LMTK2: variants seen among roughly 807,000 people sequenced by gnomAD.
The protein encoded by LMTK2 is lemur tail kinase 2.
A neutral mutation model predicts 127.5 loss-of-function variants in LMTK2; 37 were observed. That is an observed-to-expected ratio of 0.29 (90% CI 0.22 to 0.38). The LOEUF is 0.38. Ranked by LOEUF, LMTK2 falls within the 10% of genes least tolerant of loss-of-function variation. The pLI, the probability that LMTK2 is intolerant of heterozygous loss-of-function variation, is 1.00. For synonymous variants in LMTK2, 819 were observed against 810.1 expected (o/e 1.01, Z -0.19); for missense variants, 1,694 against 1,920.3 (o/e 0.88, Z 2.20).
At chr7:98,154,965 T>G (rs759130509) in intron 5 of LMTK2, 89 bp downstream of exon 5, 13 of 753,272 alleles carry the variant, frequency 1.7e-5, no homozygotes, top group Non-Finnish European at 3.0e-5. Context: ...TTTCTGCCTG[T>G]AACATACATG....
chr7:98,118,397 A>G (rs920257965), intron 1 of LMTK2, among the ~76,000 whole-genome samples: 1 of 152,182 alleles, frequency 6.6e-6, no homozygotes, highest in African/African-American at 2.4e-5. Context: ...CAGTGTTGGA[A>G]TTGCTGAAAA....
chr7:98,156,668 G>A (rs993275086), intron 5 of LMTK2, among the ~76,000 whole-genome samples: 1 of 152,180 alleles, frequency 6.6e-6, no homozygotes, highest in Non-Finnish European at 1.5e-5. Context: ...TTCTCCAGAG[G>A]AACAGAACCA....
At chr7:98,139,735 G>A (rs796280890) in intron 2 of LMTK2, among the ~76,000 whole-genome samples, 16 of 152,252 alleles carry the variant, frequency 1.1e-4, no homozygotes, top group African/African-American at 3.9e-4. Context: ...CTTCTCACAC[G>A]CATATGGAAA....
intron 6 of LMTK2, among the ~76,000 whole-genome samples, chr7:98,165,861 T>C (rs10259449): frequency 0.19 from 29,165 of 151,676 alleles, 3,313 homozygotes; most frequent in African/African-American, 0.32. Flanking sequence ...GGAACAGGCG[T>C]GAGGAGAGCT....
At position 98,205,990 on chromosome 7, in the gene LMTK2, T is replaced by G. The variant is rs1797791005; in HGVS notation, c.*498T>G. 1 of 156,242 alleles carries G rather than the reference T, an allele frequency of 6.4e-6. No individual in the cohort carries two copies. Among genetic ancestry groups the G allele is most frequent in the Admixed American group, 6.3e-5 (1 of 15,886 alleles). The allele number at this position is 156,242 out of a possible 1,614,324, so 9.7% of individuals were successfully genotyped here. On this transcript the variant is annotated 3_prime_UTR_variant, in exon 14 of 14. Coordinates refer to ENST00000297293, the MANE Select transcript of LMTK2 (RefSeq NM_014916.4). Reference sequence around the variant, plus strand: ...CTGTAATTGCACTGTGGATAAATGTTCCGAGAGTCTCCATTGTTGTACAGG... The same window carrying G: ...CTGTAATTGCACTGTGGATAAATGTGCCGAGAGTCTCCATTGTTGTACAGG...
Position 98,208,139 on chromosome 7 carries a change from AT to A in LMTK2, c.*2649del, listed in dbSNP as rs1797837777. 6.6e-6 allele frequency: 1 copy of A among 152,044 alleles called. No individual in the cohort carries two copies. The highest frequency in any genetic ancestry group is 2.4e-5 in the African/African-American group (1 of 41,400). 9.4% of individuals were successfully genotyped at this position (152,044 alleles called of 1,614,324 possible). A position where few individuals can be genotyped will look rare whatever the true frequency, so the allele number is the denominator to read the frequency against. On this transcript the variant is annotated 3_prime_UTR_variant, in exon 14 of 14. Transcript: ENST00000297293. ...AAAAAACAATTTTTTTCATAACATA[AT>A]TCCCATTTTTATTTATTTTGAGTCA... is the stretch of plus-strand genomic sequence containing the variant.
rs10255164 is a variant in LMTK2, at chr7:98,194,867, T to C, written c.4107+295T>C. ...CACCAAATTTTTACTGTTTTACTTT[T>C]TTATTTTTCTTTTGAGACAGCCTTG... On this transcript the variant is annotated intron_variant, in intron 11 of 13. Coordinates refer to ENST00000297293, the MANE Select transcript of LMTK2 (RefSeq NM_014916.4). This position sits in a 1 kb window ranked among gnomAD's most constrained non-coding sequence, Gnocchi z 5.4. Among the ~76,000 whole-genome samples the C allele has an allele frequency of 0.056, 8,573 of 152,242 alleles. 592 individuals carry two copies. The highest frequency in any genetic ancestry group is 0.33 in the East Asian group (1,710 of 5,164).
At position 98,184,073 on chromosome 7, in the gene LMTK2, C is replaced by T. The variant is rs1797393565; in HGVS notation, c.792-978C>T. ...GTTTTAGAGCAGGAGTGAAAGGAAG[C>T]AGTACACTTAGAAGGGCCAAGCGGG... On this transcript the variant is annotated intron_variant, in intron 7 of 13. Transcript: ENST00000297293. Among the ~76,000 whole-genome samples, 3 of 152,242 alleles carry T rather than the reference C, an allele frequency of 2.0e-5. No individual in the cohort carries two copies. In the South Asian group the frequency reaches 6.2e-4, roughly 32 times the overall value.
intron 1 of LMTK2, among the ~76,000 whole-genome samples, chr7:98,134,770 A>C (rs956785537): frequency 1.3e-5 from 2 of 152,210 alleles, no homozygotes; most frequent in Admixed American, 6.5e-5. Context: ...CTTGGTCTTC[A>C]TAAGAATTGG....
intron 1 of LMTK2, among the ~76,000 whole-genome samples, chr7:98,111,549 G>A (rs1353472468): frequency 1.3e-5 from 2 of 152,132 alleles, no homozygotes; most frequent in Non-Finnish European, 2.9e-5. Context: ...AAGGACCCTG[G>A]GTCAGTTACT....
At chr7:98,168,628 C>G (rs1047314651) in intron 6 of LMTK2, among the ~76,000 whole-genome samples, 2 of 152,194 alleles carry the variant, frequency 1.3e-5, no homozygotes, top group African/African-American at 2.4e-5. Context: ...TAATTAATTG[C>G]TCCTAGTGTC....
In LMTK2 at chr7:98,154,875, T is replaced by C; in HGVS notation, c.568T>C (p.Tyr190His). The part of the protein sequence containing the change: ...DTFLKNGEPY[Y>H]ILQHPNILQC... ...TTTTTTGAAAAATGGAGAACCTTAC[T>C]AGTAAGTAAACCTTGTCATGTGTTC... The change falls in exon 5 of 14, where the codon TAC (tyrosine) becomes CAC (histidine). Residue 190 changes from tyrosine to histidine, a missense_variant and splice_region_variant. By Grantham distance (83) the Tyr-to-His change is moderately conservative. Coordinates refer to ENST00000297293, the MANE Select transcript of LMTK2 (RefSeq NM_014916.4). The C allele has an allele frequency of 4.5e-6, 7 of 1,556,342 alleles. No homozygotes were observed. Among genetic ancestry groups the C allele is most frequent in the Non-Finnish European group, 6.2e-6 (7 of 1,127,336 alleles).
At chr7:98,140,715 G>T (rs1039263465) in intron 2 of LMTK2, among the ~76,000 whole-genome samples, 2 of 151,984 alleles carry the variant, frequency 1.3e-5, no homozygotes, top group South Asian at 2.1e-4. Context: ...AAAATAAAAT[G>T]ATTTATTTTG....
At position 98,194,498 on chromosome 7, in the gene LMTK2, C is replaced by G; in HGVS notation, c.4033C>G (p.Leu1345Val). The change falls in exon 11 of 14, where the codon CTG becomes GTG. Residue 1345 changes from leucine to valine, a missense_variant. Physicochemically the swap from Leu to Val is conservative, Grantham distance 32 (BLOSUM62 1). Coordinates refer to ENST00000297293, the MANE Select transcript of LMTK2 (RefSeq NM_014916.4). The surrounding 1 kb of genome is among the most constrained non-coding windows in gnomAD (Gnocchi z 5.4). The part of the protein sequence containing the change: ...KPTAANAPDP[L>V]PEDWKKEKKA... Reference sequence around the variant, plus strand: ...CACAGCGGCCAATGCCCCCGACCCACTGCCCGAGGACTGGAAGAAGGAAAA... The same window carrying G: ...CACAGCGGCCAATGCCCCCGACCCAGTGCCCGAGGACTGGAAGAAGGAAAA... The G allele has an allele frequency of 1.2e-6, 2 of 1,613,722 alleles. No individual in the cohort carries two copies. The highest frequency in any genetic ancestry group is 1.7e-6 in the Non-Finnish European group (2 of 1,180,042).
At chr7:98,112,505 G>A (rs753301135) in intron 1 of LMTK2, among the ~76,000 whole-genome samples, 1 of 152,226 alleles carries the variant, frequency 6.6e-6, no homozygotes, top group African/African-American at 2.4e-5. Flanking sequence ...TTCTTCAGTG[G>A]CACTGGCCAC....
At chr7:98,124,690 G>T (rs2116336805) in intron 1 of LMTK2, among the ~76,000 whole-genome samples, 1 of 152,242 alleles carries the variant, frequency 6.6e-6, no homozygotes, top group East Asian at 1.9e-4. Flanking sequence ...GGAGGCTGAG[G>T]TGGGAGGATT....
At chr7:98,110,021 C>T (rs1796178135) in intron 1 of LMTK2, among the ~76,000 whole-genome samples, 1 of 152,146 alleles carries the variant, frequency 6.6e-6, no homozygotes, top group Admixed American at 6.5e-5. Context: ...TAGGAGCCTG[C>T]ACTCCTTGTG....
At chr7:98,122,724 GTGTA>G (rs1286632086) in intron 1 of LMTK2, among the ~76,000 whole-genome samples, 20 of 21,984 alleles carry the variant, frequency 9.1e-4, no homozygotes, top group East Asian at 8.2e-3. Flanking sequence ...GTGTGTGTGT[GTGTA>G]TATATATAAC....
chr7:98,158,947 A>G (rs995895567), intron 5 of LMTK2, among the ~76,000 whole-genome samples: 4 of 152,208 alleles, frequency 2.6e-5, no homozygotes, highest in South Asian at 2.1e-4. Flanking sequence ...AATGCCAGCT[A>G]TTTGGCCAGC....
Sources: allele counts gnomAD v4.1 joint callset (sites outside exome capture counted in the v4.1 genomes callset), GRCh38; gene constraint gnomAD v4.1.1; non-coding constraint Gnocchi (gnomAD v3.1); transcripts MANE v1.5; gene names NCBI Gene and HGNC (gene_info 2026-07-23, HGNC 2026-07-21).